The following STATH variants were observed in gnomAD, a reference collection of about 807,000 sequenced individuals.
STATH encodes statherin.
STATH carries 11 observed loss-of-function variants against 13.3 expected under a neutral mutation model. The ratio of observed to expected loss-of-function variants is 0.83; its 90% CI spans 0.52 to 1.37. The LOEUF is 1.37. STATH is among the 40% of genes most tolerant of loss of function. STATH has a pLI of 0.00. For synonymous variants in STATH, 25 were observed against 23.6 expected (o/e 1.06, Z -0.17); for missense variants, 78 against 73.3 (o/e 1.06, Z -0.24).
Position 69,999,706 on chromosome 4 carries a change from C to T in STATH, c.72+19C>T. On this transcript the variant is annotated intron_variant, in intron 3 of 5. Transcript: ENST00000246895. ...TGAAGAGGTGAGTCATTTTCATTCA[C>T]TGGAAAACTTGTTTTCAGTTTTGTC... The T allele has an allele frequency of 6.2e-7, 1 of 1,611,382 alleles. No individual in the cohort carries two copies. Among genetic ancestry groups the T allele is most frequent in the Non-Finnish European group, 8.5e-7 (1 of 1,178,722 alleles).
At chr4:69,996,388 G>A (rs940597170) in intron 1 of STATH, among the ~76,000 whole-genome samples, 3 of 152,088 alleles carry the variant, frequency 2.0e-5, no homozygotes, top group Non-Finnish European at 2.9e-5. Flanking sequence ...AATAGCATAC[G>A]TTCTCTTTTT....
intron 4 of STATH, among the ~76,000 whole-genome samples, chr4:70,000,623 A>C (rs41292323): frequency 1.3e-5 from 2 of 151,856 alleles, no homozygotes; most frequent in African/African-American, 4.8e-5. Flanking sequence ...GTGTTCCTGC[A>C]TGTGAAATAA....
chr4:69,998,620 C>A, intron 2 of STATH, 132 bp downstream of exon 2: 2 of 675,464 alleles, frequency 3.0e-6, no homozygotes, highest in Non-Finnish European at 4.6e-6. Context: ...TCCATATGAA[C>A]TTTTTTTTGT....
intron 1 of STATH, among the ~76,000 whole-genome samples, chr4:69,996,421 CA>C (rs1724504929): frequency 6.6e-6 from 1 of 152,118 alleles, no homozygotes; most frequent in Non-Finnish European, 1.5e-5. Context: ...TATTGTTTCA[CA>C]AGTTTAACTT....
intron 4 of STATH, 95 bp from the exon 5 acceptor site, chr4:70,000,768 T>C (rs1487136028): frequency 1.9e-5 from 17 of 883,498 alleles, no homozygotes; most frequent in Non-Finnish European, 1.8e-6. Context: ...ATATGTAAGT[T>C]CCTAAAACTT....
chr4:70,001,624 A>G (rs995898389), intron 5 of STATH, among the ~76,000 whole-genome samples: 1 of 151,882 alleles, frequency 6.6e-6, no homozygotes, highest in Non-Finnish European at 1.5e-5. Context: ...AGTTTTACCT[A>G]TCTCTACACA....
intron 2 of STATH, among the ~76,000 whole-genome samples, chr4:69,999,295 C>G (rs1369827176): frequency 6.6e-6 from 1 of 151,986 alleles, no homozygotes; most frequent in Non-Finnish European, 1.5e-5. Context: ...CAGAGAAAAA[C>G]ATAATGCTTG....
At chr4:69,998,712 G>A (rs1724572378) in intron 2 of STATH, 1 of 355,638 alleles carries the variant, frequency 2.8e-6, no homozygotes, top group Non-Finnish European at 5.0e-6. Context: ...TTAGCTTAGT[G>A]TGAAATAAAA....
chr4:69,999,917 A>C (rs1724609992), intron 4 of STATH, 108 bp downstream of exon 4: 8 of 1,263,146 alleles, frequency 6.3e-6, no homozygotes, highest in South Asian at 2.6e-5. Flanking sequence ...TAGTAGTTGC[A>C]AAAGTGTGCT....
At chr4:70,000,027 G>A (rs1015841933) in intron 4 of STATH, 3 of 555,700 alleles carry the variant, frequency 5.4e-6, no homozygotes, top group Admixed American at 6.5e-5. Flanking sequence ...GAAGAAACCA[G>A]TTACTCCCTG....
Position 70,001,877 on chromosome 4 carries a change from G to T in STATH, c.*34-312G>T, listed in dbSNP as rs1003982931. Among the ~76,000 whole-genome samples, 8 of 151,702 alleles carry T rather than the reference G, an allele frequency of 5.3e-5. No homozygotes were observed. The Admixed American group carries it at 5.3e-4, about 10-fold the overall frequency. Reference sequence around the variant, plus strand: ...AGCTGATGACATTTAATCAAGAAAAGATGTATTGAAATATTATTTAGAGGA... The same window carrying T: ...AGCTGATGACATTTAATCAAGAAAATATGTATTGAAATATTATTTAGAGGA... On this transcript the variant is annotated intron_variant, in intron 5 of 5. Transcript: ENST00000246895.
At chr4:70,001,906 G>A (rs1724680446) in intron 5 of STATH, among the ~76,000 whole-genome samples, 1 of 151,688 alleles carries the variant, frequency 6.6e-6, no homozygotes, top group Admixed American at 6.6e-5. Flanking sequence ...TAGAGGAAAT[G>A]CATATAAATG....
At chr4:70,000,135 G>T in intron 4 of STATH, 1 of 258,582 alleles carries the variant, frequency 3.9e-6, no homozygotes. Context: ...GGAGCATAAA[G>T]GCTGATAATT....
At position 69,998,411 on chromosome 4, in the gene STATH, A is replaced by T; in HGVS notation, c.-15-12A>T. ...AAAAAATGTGATACTGAATTTCCAC[A>T]TATGTTTTCAGAGAACCCAGCCAAC... On this transcript the variant is annotated splice_polypyrimidine_tract_variant and intron_variant, in intron 1 of 5. Coordinates refer to ENST00000246895, the MANE Select transcript of STATH (RefSeq NM_003154.3). 1 of 1,606,288 alleles carries T rather than the reference A, an allele frequency of 6.2e-7. No homozygotes were observed.
chr4:70,001,909 T>G (rs896149074), intron 5 of STATH, among the ~76,000 whole-genome samples: 1 of 151,778 alleles, frequency 6.6e-6, no homozygotes, highest in East Asian at 1.9e-4. Flanking sequence ...AGGAAATGCA[T>G]ATAAATGAAA....
chr4:69,997,734 AT>A (rs1724546693), intron 1 of STATH, among the ~76,000 whole-genome samples: 1 of 152,058 alleles, frequency 6.6e-6, no homozygotes, highest in South Asian at 2.1e-4. Flanking sequence ...AGGTACGAAT[AT>A]TTTCTCTGTG....
chr4:70,000,928 A>G lies in STATH; in HGVS notation c.168A>G (p.Gln56=), dbSNP rs147018988. ...TATACCCACAACCATACCAACCACA[A>G]TACCAACAATATACCTTTTAATATC... ...QPLYPQPYQP[Q]YQQYTF Residue 56 remains glutamine, a synonymous_variant, in exon 5 of 6, where the codon CAA becomes CAG. Transcript: ENST00000246895. 184 of 1,612,074 alleles carry G rather than the reference A, an allele frequency of 1.1e-4. 2 individuals are homozygous for G. In the African/African-American group the frequency reaches 2.2e-3, roughly 19 times the overall value.
intron 1 of STATH, among the ~76,000 whole-genome samples, chr4:69,997,718 C>T (rs1724545887): frequency 2.0e-5 from 3 of 152,106 alleles, no homozygotes; most frequent in Admixed American, 2.0e-4. Flanking sequence ...TTCAACTTCT[C>T]AGAGGAGGTA....
At chr4:69,997,091 C>G (rs1724527607) in intron 1 of STATH, among the ~76,000 whole-genome samples, 1 of 151,926 alleles carries the variant, frequency 6.6e-6, no homozygotes, top group South Asian at 2.1e-4. Flanking sequence ...GCACTCACCA[C>G]CATGCCCAGC....
Sources: gnomAD v4.1 joint callset for allele counts (sites outside exome capture counted in the v4.1 genomes callset) on GRCh38, gnomAD v4.1.1 for gene constraint, MANE v1.5 for transcripts, NCBI Gene and HGNC (gene_info 2026-07-23, HGNC 2026-07-21) for gene names.